The following LMX1A variants were observed in gnomAD, a reference collection of about 807,000 sequenced individuals.
LMX1A encodes the protein LIM homeobox transcription factor 1 alpha.
A neutral mutation model predicts 49.1 loss-of-function variants in LMX1A; 15 were observed. That is an observed-to-expected ratio of 0.31 (90% CI 0.20 to 0.47). The LOEUF is 0.47. LMX1A is among the 20% of genes least tolerant of loss of function. LMX1A has a pLI of 1.00. For missense variants in LMX1A, 372 were observed against 475.8 expected (o/e 0.78, Z 2.03); for synonymous variants, 167 against 185.7 (o/e 0.90, Z 0.82).
intron 4 of LMX1A, among the ~76,000 whole-genome samples, chr1:165,243,036 T>C (rs1365151435): frequency 6.6e-6 from 1 of 151,964 alleles, no homozygotes; most frequent in Admixed American, 6.6e-5. Context: ...AAAAATTTCA[T>C]GAAATGGGAT....
chr1:165,206,156 T>TC, intron 7 of LMX1A, 122 bp from the exon 8 acceptor site: 2 of 885,216 alleles, frequency 2.3e-6, no homozygotes, highest in Non-Finnish European at 3.4e-6. Context: ...GGTCCCAGCC[T>TC]TTGTCCTACC....
At chr1:165,313,471 CTTTTTT>C (rs34912339) in intron 3 of LMX1A, among the ~76,000 whole-genome samples, 2 of 114,846 alleles carry the variant, frequency 1.7e-5, no homozygotes, top group Non-Finnish European at 3.5e-5. Context: ...CACCTTCTTC[CTTTTTT>C]TTTTTTTTTT....
intron 3 of LMX1A, among the ~76,000 whole-genome samples, chr1:165,256,267 A>T (rs1653240346): frequency 6.6e-6 from 1 of 152,202 alleles, no homozygotes; most frequent in African/African-American, 2.4e-5. Flanking sequence ...ACTTGGCATG[A>T]GAAATCTGGG....
At chr1:165,246,673 C>T (rs1319917035) in intron 4 of LMX1A, among the ~76,000 whole-genome samples, 8 of 152,122 alleles carry the variant, frequency 5.3e-5, no homozygotes, top group Non-Finnish European at 1.0e-4. Context: ...TTCTCTGAAA[C>T]TGGAAAAAAA....
intron 3 of LMX1A, among the ~76,000 whole-genome samples, chr1:165,339,434 T>TATACTTCTGA: frequency 6.6e-6 from 1 of 152,294 alleles, no homozygotes; most frequent in East Asian, 1.9e-4. Flanking sequence ...CATGTGGTGG[T>TATACTTCTGA]ATACTTCTGA....
Position 165,203,152 on chromosome 1 carries a change from A to T in LMX1A, c.*728T>A, listed in dbSNP as rs978245277. ...CACCCCTGCCCAGTGATTCAACCCC[A>T]AAGAGAGCAAGAATGCAAGAGAGAA... On this transcript the variant is annotated 3_prime_UTR_variant, in exon 9 of 9. Transcript: ENST00000342310. 5 of 152,410 alleles carry T rather than the reference A, an allele frequency of 3.3e-5. No homozygotes were observed. Among genetic ancestry groups the T allele is most frequent in the African/African-American group, 1.2e-4 (5 of 41,404 alleles). 9.4% of individuals were successfully genotyped at this position (152,410 alleles called of 1,614,324 possible).
intron 3 of LMX1A, among the ~76,000 whole-genome samples, chr1:165,266,411 G>A (rs1467234655): frequency 1.3e-5 from 2 of 152,108 alleles, no homozygotes; most frequent in Non-Finnish European, 2.9e-5. Context: ...CTGGGGCAAA[G>A]ATGGGGCAAA....
At chr1:165,238,572 G>A (rs11375741) in intron 4 of LMX1A, among the ~76,000 whole-genome samples, 152,047 of 152,292 alleles carry the variant, frequency 1, 75,901 homozygotes, top group Middle Eastern at 1. Flanking sequence ...GAGGTTAAAA[G>A]CAAGGTGAAC....
At chr1:165,310,305 G>C (rs893137378) in intron 3 of LMX1A, among the ~76,000 whole-genome samples, 80 of 152,284 alleles carry the variant, frequency 5.3e-4, no homozygotes, top group Non-Finnish European at 3.5e-4. Context: ...TTCCCTCCAA[G>C]CTCTTACCAG....
At chr1:165,297,485 T>C (rs1481458451) in intron 3 of LMX1A, among the ~76,000 whole-genome samples, 2 of 152,106 alleles carry the variant, frequency 1.3e-5, no homozygotes, top group Non-Finnish European at 2.9e-5. Context: ...TAAAACAAAG[T>C]CTCTGGCTGT....
chr1:165,257,094 G>A (rs1367555557), intron 3 of LMX1A, among the ~76,000 whole-genome samples: 1 of 152,226 alleles, frequency 6.6e-6, no homozygotes, highest in South Asian at 2.1e-4. Context: ...AATCTTTATT[G>A]AGTACCCACT....
intron 3 of LMX1A, among the ~76,000 whole-genome samples, chr1:165,294,035 T>A (rs890856779): frequency 2.6e-5 from 4 of 152,126 alleles, no homozygotes; most frequent in African/African-American, 9.7e-5. Flanking sequence ...TATCATTAGG[T>A]CCATGTTCTA....
intron 3 of LMX1A, among the ~76,000 whole-genome samples, chr1:165,337,759 C>T (rs189329929): frequency 1.3e-5 from 2 of 152,072 alleles, no homozygotes; most frequent in Admixed American, 1.3e-4. Flanking sequence ...TCAAAGACAC[C>T]AAGAGGAGTT....
intron 3 of LMX1A, among the ~76,000 whole-genome samples, chr1:165,255,103 T>C (rs1653190632): frequency 6.6e-6 from 1 of 152,176 alleles, no homozygotes; most frequent in Non-Finnish European, 1.5e-5. Context: ...TCCCTCTCCT[T>C]AGGGAGTTCA....
intron 3 of LMX1A, among the ~76,000 whole-genome samples, chr1:165,337,695 A>G (rs1655936300): frequency 6.6e-6 from 1 of 152,176 alleles, no homozygotes; most frequent in Admixed American, 6.5e-5. Flanking sequence ...GTGGCTGGTT[A>G]TCGCCGTTAT....
chr1:165,209,937 C>T (rs1276455993), intron 6 of LMX1A, among the ~76,000 whole-genome samples: 4 of 152,172 alleles, frequency 2.6e-5, no homozygotes, highest in Non-Finnish European at 5.9e-5. Context: ...GACACTATTT[C>T]CAGGTAGAGA....
chr1:165,211,718 G>A (rs1337374373), intron 5 of LMX1A, among the ~76,000 whole-genome samples: 1 of 152,164 alleles, frequency 6.6e-6, no homozygotes, highest in Non-Finnish European at 1.5e-5. Flanking sequence ...AAATAGGAGT[G>A]TACTCAGGGG....
intron 3 of LMX1A, among the ~76,000 whole-genome samples, chr1:165,288,669 C>T (rs1281435846): frequency 6.6e-6 from 1 of 152,258 alleles, no homozygotes; most frequent in Non-Finnish European, 1.5e-5. Flanking sequence ...ACTGTTCAAA[C>T]ATCTGTATGA....
intron 3 of LMX1A, 44 bp from the exon 4 acceptor site, chr1:165,249,684 C>A: frequency 2.0e-6 from 3 of 1,524,558 alleles, no homozygotes; most frequent in Non-Finnish European, 2.7e-6. Flanking sequence ...TGAGTAAAAT[C>A]TGGCTTGGTC....
Sources: gnomAD v4.1 joint callset for allele counts (sites outside exome capture counted in the v4.1 genomes callset) on GRCh38, gnomAD v4.1.1 for gene constraint, MANE v1.5 for transcripts, NCBI Gene and HGNC (gene_info 2026-07-23, HGNC 2026-07-21) for gene names.